Variants in FAM184B observed in about 807,000 individuals in gnomAD.
The protein encoded by FAM184B is protein FAM184B.
In FAM184B, 111 loss-of-function variants were observed where a neutral mutation model predicts 135.9. The observed-to-expected ratio is 0.82, with a 90% CI of 0.70 to 0.96. The LOEUF (loss-of-function observed/expected upper bound fraction) is 0.96, where lower values mean the gene tolerates loss of function less well. Among genes scored for constraint, FAM184B ranks in the 40% least tolerant of loss-of-function variants. The probability of loss-of-function intolerance (pLI) is 0.00; values close to 1 mark genes in which losing one functional copy is unlikely to be tolerated. For missense variants in FAM184B, 1,375 were observed against 1,323.9 expected, an observed-to-expected ratio of 1.04 and a Z score of -0.60; for synonymous variants, 552 against 524.8, an observed-to-expected ratio of 1.05 and a Z score of -0.71.
At chr4:17,677,242 T>A (rs1226145274) in intron 7 of FAM184B, among the ~76,000 whole-genome samples, 1 of 151,956 alleles carries the variant, frequency 6.6e-6, no homozygotes, top group Non-Finnish European at 1.5e-5. Flanking sequence ...GAGATGGGGT[T>A]TTGCCGTGTT....
At chr4:17,639,875 G>A (rs1348674309) in intron 13 of FAM184B, among the ~76,000 whole-genome samples, 6 of 151,646 alleles carry the variant, frequency 4.0e-5, no homozygotes, top group Admixed American at 2.6e-4. Context: ...GTTGCTCAGG[G>A]TGGAGTGCAA....
intron 1 of FAM184B, among the ~76,000 whole-genome samples, chr4:17,712,770 T>TA (rs565808605): frequency 1.3e-5 from 2 of 151,996 alleles, no homozygotes; most frequent in Admixed American, 6.6e-5. Flanking sequence ...TGTATGGCTT[T>TA]AAAAAAAAGT....
rs552150985 is a variant in FAM184B at position 17,645,653 on chromosome 4, G to T, written c.2346+1984C>A. On this transcript the variant is annotated intron_variant, in intron 12 of 17. Coordinates refer to ENST00000265018, the MANE Select transcript of FAM184B (RefSeq NM_015688.2). ...AAGAAAACCTAGGCATTACCATTCA[G>T]GACATAGGCATGGGCAAGGACTTCA... Among the ~76,000 whole-genome samples the T allele has an allele frequency of 5.9e-3, 904 of 152,128 alleles. 16 individuals are homozygous for T. The highest frequency in any genetic ancestry group is 0.021 in the African/African-American group (863 of 41,464).
At chr4:17,685,715 G>A (rs1716566553) in intron 7 of FAM184B, among the ~76,000 whole-genome samples, 1 of 151,964 alleles carries the variant, frequency 6.6e-6, no homozygotes. Flanking sequence ...AGACATTTTT[G>A]GTTGGAAAGG....
chr4:17,763,860 G>A (rs1461152603), intron 1 of FAM184B, among the ~76,000 whole-genome samples: 7 of 152,122 alleles, frequency 4.6e-5, no homozygotes, highest in Non-Finnish European at 8.8e-5. Context: ...AGACCACCCT[G>A]GCAGGAAAGT....
chr4:17,644,110 C>T (rs6857931), intron 12 of FAM184B, among the ~76,000 whole-genome samples: 4,878 of 152,164 alleles, frequency 0.032, 248 homozygotes, highest in African/African-American at 0.11. Context: ...GTGCAGATGC[C>T]GGGTTTATGA....
chr4:17,747,511 G>A (rs1235800655), intron 1 of FAM184B, among the ~76,000 whole-genome samples: 2 of 152,180 alleles, frequency 1.3e-5, no homozygotes, highest in Admixed American at 6.5e-5. Context: ...ATAAGAAAGA[G>A]TCAGCATCAG....
At chr4:17,731,533 C>A (rs906365943) in intron 1 of FAM184B, among the ~76,000 whole-genome samples, 8 of 152,178 alleles carry the variant, frequency 5.3e-5, no homozygotes, top group African/African-American at 1.9e-4. Flanking sequence ...CAATCCTAGT[C>A]TCTGATAAAA....
At chr4:17,691,503 C>A (rs748015356) in intron 6 of FAM184B, among the ~76,000 whole-genome samples, 1 of 151,780 alleles carries the variant, frequency 6.6e-6, no homozygotes, top group African/African-American at 2.4e-5. Context: ...CTGGGCAACA[C>A]GGTGAAACCC....
At chr4:17,739,269 C>A (rs540814898) in intron 1 of FAM184B, among the ~76,000 whole-genome samples, 6 of 152,124 alleles carry the variant, frequency 3.9e-5, no homozygotes, top group African/African-American at 1.4e-4. Context: ...GCCACCATGG[C>A]GGATCCCCTT....
At chr4:17,705,605 T>C (rs1717091602) in intron 4 of FAM184B, 147 bp downstream of exon 4, 2 of 950,650 alleles carry the variant, frequency 2.1e-6, no homozygotes, top group African/African-American at 3.3e-5. Flanking sequence ...AGGCAGTAAG[T>C]TGGCTGGAAT....
At chr4:17,704,243 T>C (rs994599320) in intron 5 of FAM184B, among the ~76,000 whole-genome samples, 2 of 152,236 alleles carry the variant, frequency 1.3e-5, no homozygotes, top group African/African-American at 4.8e-5. Context: ...TATTGCTTCA[T>C]ACTTCCTTCT....
intron 1 of FAM184B, among the ~76,000 whole-genome samples, chr4:17,737,448 A>C (rs772667368): frequency 3.3e-5 from 5 of 152,182 alleles, no homozygotes; most frequent in African/African-American, 1.2e-4. Flanking sequence ...CCAGATAAAC[A>C]CAATGACCTT....
intron 8 of FAM184B, among the ~76,000 whole-genome samples, chr4:17,661,824 G>T (rs1387144389): frequency 3.9e-5 from 6 of 152,186 alleles, no homozygotes; most frequent in African/African-American, 1.4e-4. Context: ...TCCCAGGAGA[G>T]GGGAGGGGGC....
At chr4:17,706,044 A>T (rs1032412488) in intron 3 of FAM184B, among the ~76,000 whole-genome samples, 153 bp from the exon 4 acceptor site, 1 of 152,234 alleles carries the variant, frequency 6.6e-6, no homozygotes, top group Non-Finnish European at 1.5e-5. Context: ...ACCCCGAAGC[A>T]TGGTCAAGGT....
chr4:17,647,860 A>C, intron 11 of FAM184B, 69 bp from the exon 12 acceptor site: 5 of 1,419,596 alleles, frequency 3.5e-6, no homozygotes, highest in South Asian at 1.3e-5. Flanking sequence ...TGGGGACAAC[A>C]GTCTCTGGGG....
At chr4:17,737,226 C>T (rs1465264008) in intron 1 of FAM184B, among the ~76,000 whole-genome samples, 2 of 151,964 alleles carry the variant, frequency 1.3e-5, no homozygotes, top group African/African-American at 2.4e-5. Context: ...TTAGAGCTTG[C>T]CTTTTACCAA....
chr4:17,665,818 C>T (rs1038138027), intron 7 of FAM184B, among the ~76,000 whole-genome samples: 11 of 152,188 alleles, frequency 7.2e-5, no homozygotes, highest in African/African-American at 1.9e-4. Context: ...TCTGCACTAA[C>T]GGGGACTCCC....
chr4:17,637,814 C>G (rs1235180749), intron 14 of FAM184B, among the ~76,000 whole-genome samples: 1 of 152,146 alleles, frequency 6.6e-6, no homozygotes, highest in East Asian at 1.9e-4. Context: ...TTGCTAGTCA[C>G]CCCCTCCCCC....
Sources: gnomAD v4.1 joint callset for allele counts (sites outside exome capture counted in the v4.1 genomes callset) on GRCh38, gnomAD v4.1.1 for gene constraint, MANE v1.5 for transcripts, NCBI Gene and HGNC (gene_info 2026-07-23, HGNC 2026-07-21) for gene names.